Variants in INSYN2B observed in about 807,000 individuals in gnomAD.
INSYN2B encodes protein INSYN2B.
In INSYN2B, 16 loss-of-function variants were observed where a neutral mutation model predicts 41.2. That is an observed-to-expected ratio of 0.39 (90% CI 0.26 to 0.59). The LOEUF is 0.59. Among genes scored for constraint, INSYN2B ranks in the 20% least tolerant of loss-of-function variants. The probability of loss-of-function intolerance (pLI) is 0.57; values close to 1 mark genes in which losing one functional copy is unlikely to be tolerated. For synonymous variants in INSYN2B, 245 were observed against 244.4 expected (o/e 1.00, Z -0.02); for missense variants, 608 against 646.4 (o/e 0.94, Z 0.64).
intron 1 of INSYN2B, among the ~76,000 whole-genome samples, chr5:169,910,386 G>A (rs912520426): frequency 3.3e-5 from 5 of 152,128 alleles, no homozygotes; most frequent in African/African-American, 2.4e-5. Flanking sequence ...AAGACAGTTC[G>A]ATGGCAGAGG....
At chr5:169,948,533 C>T (rs902551234) in intron 1 of INSYN2B, among the ~76,000 whole-genome samples, 3 of 151,956 alleles carry the variant, frequency 2.0e-5, no homozygotes, top group African/African-American at 4.8e-5. Flanking sequence ...AACACATATA[C>T]ATTTATAGAT....
chr5:169,926,764 C>A (rs1043156690), intron 1 of INSYN2B, among the ~76,000 whole-genome samples: 6 of 152,210 alleles, frequency 3.9e-5, no homozygotes, highest in Non-Finnish European at 7.3e-5. Context: ...TGGCTGGATG[C>A]ATTCATTTAG....
chr5:169,927,473 G>T (rs1269192864), intron 1 of INSYN2B, among the ~76,000 whole-genome samples: 1 of 152,166 alleles, frequency 6.6e-6, no homozygotes, highest in African/African-American at 2.4e-5. Flanking sequence ...CTGCTGTAAG[G>T]CAGTGAGAAC....
chr5:169,930,237 G>A (rs944764152), intron 1 of INSYN2B, among the ~76,000 whole-genome samples: 1 of 152,126 alleles, frequency 6.6e-6, no homozygotes, highest in Non-Finnish European at 1.5e-5. Context: ...TGATCCGCCT[G>A]CCTCGGCCTC....
At chr5:169,935,609 T>C (rs1775952891) in intron 1 of INSYN2B, among the ~76,000 whole-genome samples, 1 of 152,196 alleles carries the variant, frequency 6.6e-6, no homozygotes, top group Non-Finnish European at 1.5e-5. Flanking sequence ...ACGTCCTACC[T>C]ACTTTGCGGT....
intron 1 of INSYN2B, among the ~76,000 whole-genome samples, chr5:169,894,896 A>G (rs1773508137): frequency 6.6e-6 from 1 of 152,232 alleles, no homozygotes; most frequent in African/African-American, 2.4e-5. Flanking sequence ...ACGAAACTCA[A>G]GGAGAAAATG....
intron 1 of INSYN2B, among the ~76,000 whole-genome samples, chr5:169,895,398 G>T (rs939515165): frequency 6.6e-6 from 1 of 152,094 alleles, no homozygotes; most frequent in African/African-American, 2.4e-5. Context: ...GACTAGGAAA[G>T]GCACTGAGCT....
chr5:169,961,751 G>A (rs925867175), intron 1 of INSYN2B, among the ~76,000 whole-genome samples: 2 of 152,174 alleles, frequency 1.3e-5, no homozygotes, highest in Non-Finnish European at 2.9e-5. Context: ...GCCGAGGTGG[G>A]CAGATTACTA....
chr5:169,973,009 A>G (rs1475334516), intron 1 of INSYN2B, among the ~76,000 whole-genome samples: 5 of 152,122 alleles, frequency 3.3e-5, no homozygotes, highest in African/African-American at 1.2e-4. Flanking sequence ...GTGCTAAAAG[A>G]GGCCTGGATG....
At chr5:169,881,526 C>T in intron 2 of INSYN2B, 84 bp from the exon 3 acceptor site, 1 of 1,027,418 alleles carries the variant, frequency 9.7e-7, no homozygotes, top group Non-Finnish European at 1.5e-6. Flanking sequence ...TCCCTTAGTC[C>T]CTATAGCACA....
chr5:169,963,304 A>G (rs1434801059), intron 1 of INSYN2B, among the ~76,000 whole-genome samples: 1 of 152,096 alleles, frequency 6.6e-6, no homozygotes, highest in Non-Finnish European at 1.5e-5. Flanking sequence ...ATTAAATCCA[A>G]CCCACAGCAG....
At chr5:169,900,896 T>A (rs894867898) in intron 1 of INSYN2B, among the ~76,000 whole-genome samples, 1 of 151,884 alleles carries the variant, frequency 6.6e-6, no homozygotes, top group African/African-American at 2.4e-5. Flanking sequence ...CGATTAGGAG[T>A]TCACCATATA....
In INSYN2B at chr5:169,885,601, C is replaced by T. The variant is rs149280832; in HGVS notation, c.-918-785G>A. ...ACTACCTCATAATAATAATAGCCACCATTTATTGAGCACATACTTTTACCA... is the reference window on the plus strand; with the variant it reads ...ACTACCTCATAATAATAATAGCCACTATTTATTGAGCACATACTTTTACCA... On this transcript the variant is annotated intron_variant, in intron 1 of 3. Coordinates refer to ENST00000377365, the MANE Select transcript of INSYN2B (RefSeq NM_001129891.3). 2.9e-4 allele frequency among the ~76,000 whole-genome samples: 44 copies of T among 152,250 alleles called. 1 individual carries two copies. In the East Asian group the frequency reaches 8.1e-3, roughly 28 times the overall value.
At chr5:169,901,365 T>C (rs1245886414) in intron 1 of INSYN2B, among the ~76,000 whole-genome samples, 1 of 152,202 alleles carries the variant, frequency 6.6e-6, no homozygotes, top group East Asian at 1.9e-4. Context: ...AAGGCCACAT[T>C]AAGTCTTTTG....
At chr5:169,965,335 G>C (rs1299847687) in intron 1 of INSYN2B, among the ~76,000 whole-genome samples, 1 of 152,206 alleles carries the variant, frequency 6.6e-6, no homozygotes, top group Non-Finnish European at 1.5e-5. Context: ...TGCTAATGCT[G>C]CTGGTCCACA....
chr5:169,962,048 C>T (rs915538903), intron 1 of INSYN2B, among the ~76,000 whole-genome samples: 2 of 149,120 alleles, frequency 1.3e-5, no homozygotes, highest in Non-Finnish European at 3.0e-5. Flanking sequence ...ACTTGTCCAA[C>T]TTGGAGAAAG....
intron 1 of INSYN2B, among the ~76,000 whole-genome samples, chr5:169,975,699 T>C (rs959886264): frequency 2.0e-5 from 3 of 152,212 alleles, no homozygotes; most frequent in Non-Finnish European, 1.5e-5. Flanking sequence ...CTCCATGCTA[T>C]TGCTTTGTAA....
intron 1 of INSYN2B, among the ~76,000 whole-genome samples, chr5:169,901,911 A>G (rs1226847389): frequency 6.6e-6 from 1 of 152,184 alleles, no homozygotes; most frequent in Non-Finnish European, 1.5e-5. Context: ...GCAAGAACAC[A>G]TGGCTCTGGG....
At chr5:169,913,620 T>G (rs1048672432) in intron 1 of INSYN2B, among the ~76,000 whole-genome samples, 2 of 152,234 alleles carry the variant, frequency 1.3e-5, no homozygotes, top group Non-Finnish European at 2.9e-5. Flanking sequence ...GTTTGTATGC[T>G]CTTGGCTTTC....
Sources: gnomAD v4.1 joint callset for allele counts (sites outside exome capture counted in the v4.1 genomes callset) on GRCh38, gnomAD v4.1.1 for gene constraint, MANE v1.5 for transcripts, NCBI Gene and HGNC (gene_info 2026-07-23, HGNC 2026-07-21) for gene names.